The following BCAS4 variants were observed in gnomAD, a reference collection of about 807,000 sequenced individuals.
BCAS4 encodes breast carcinoma amplified sequence 4, also known as breast carcinoma-amplified sequence 4.
A neutral mutation model predicts 15.7 loss-of-function variants in BCAS4; 9 were observed. That is an observed-to-expected ratio of 0.57 (90% CI 0.34 to 1.00). The LOEUF (loss-of-function observed/expected upper bound fraction) is 1.00. Ranked by LOEUF, BCAS4 falls within the 50% of genes least tolerant of loss-of-function variation. BCAS4 has a pLI of 0.02. For missense variants in BCAS4, 225 were observed against 239.1 expected (o/e 0.94, Z 0.39); for synonymous variants, 101 against 99.5 (o/e 1.02, Z -0.09).
rs186141436 is a variant in BCAS4 at position 50,870,871 on chromosome 20, G to A, written c.400-5615G>A. ...CAGGCCCTGCGCCCCAGCACTCCCT[G>A]TGGCAGAGGCGGGCCTTGGGCTGGG... is the stretch of plus-strand genomic sequence containing the variant. On this transcript the variant is annotated intron_variant, in intron 4 of 4. Transcript: ENST00000371608. Among the ~76,000 whole-genome samples the A allele has an allele frequency of 5.2e-3, 794 of 152,368 alleles. 4 individuals carry two copies. The highest frequency in any genetic ancestry group is 0.01 in the Admixed American group (156 of 15,312).
intron 2 of BCAS4, among the ~76,000 whole-genome samples, chr20:50,823,997 T>C (rs1200705962): frequency 1.3e-5 from 2 of 152,122 alleles, no homozygotes; most frequent in African/African-American, 4.8e-5. Flanking sequence ...ATTTTTATTA[T>C]AATATTATAA....
chr20:50,799,953 G>A (rs999227106), intron 1 of BCAS4, among the ~76,000 whole-genome samples: 2 of 152,190 alleles, frequency 1.3e-5, no homozygotes, highest in African/African-American at 2.4e-5. Flanking sequence ...AGGCCGAGAT[G>A]GGAAGATCAC....
intron 3 of BCAS4, chr20:50,840,540 T>C: frequency 6.8e-7 from 1 of 1,472,932 alleles, no homozygotes; most frequent in Non-Finnish European, 9.5e-7. Context: ...CTTACAGAGT[T>C]AAACAGCTAA....
chr20:50,862,910 G>A (rs1253098498), intron 4 of BCAS4, among the ~76,000 whole-genome samples: 1 of 152,126 alleles, frequency 6.6e-6, no homozygotes, highest in Non-Finnish European at 1.5e-5. Flanking sequence ...CACAATCTCA[G>A]CTCACTGCAA....
chr20:50,843,010 G>A (rs1433207485), intron 4 of BCAS4, among the ~76,000 whole-genome samples: 1 of 152,168 alleles, frequency 6.6e-6, no homozygotes, highest in African/African-American at 2.4e-5. Context: ...CACCCAGACT[G>A]GAATGCAGGT....
At chr20:50,794,937 C>T, upstream of BCAS4, 1 of 1,144,898 alleles carries the variant, frequency 8.7e-7, no homozygotes. Flanking sequence ...CCTGGAGCTG[C>T]GAGCCGCGAC....
At chr20:50,816,791 ATTTTTTTTTTTTTT>A (rs35600563) in intron 1 of BCAS4, among the ~76,000 whole-genome samples, 16 of 80,924 alleles carry the variant, frequency 2.0e-4, no homozygotes, top group South Asian at 8.8e-4. Flanking sequence ...TGCCTGGCTA[ATTTTTTTTTTTTTT>A]TTTTTTTTTT....
At chr20:50,860,330 A>G (rs1340821429) in intron 4 of BCAS4, among the ~76,000 whole-genome samples, 2 of 152,036 alleles carry the variant, frequency 1.3e-5, no homozygotes, top group African/African-American at 4.8e-5. Context: ...ATTCCATACA[A>G]TTTACTTCTA....
In BCAS4 at chr20:50,821,505, C is replaced by T. The variant is rs1254219866; in HGVS notation, c.162+3223C>T. ...CTACATGACTACAGAGAGAGGTGTC[C>T]GGTGATCAGCCCTAGCTTGGGGCCT... On this transcript the variant is annotated intron_variant, in intron 2 of 4. Coordinates refer to ENST00000371608, the MANE Select transcript of BCAS4 (RefSeq NM_198799.4). 2.0e-5 allele frequency among the ~76,000 whole-genome samples: 3 copies of T among 152,136 alleles called. No homozygotes were observed. In the South Asian group the frequency reaches 6.2e-4, roughly 32 times the overall value.
intron 1 of BCAS4, among the ~76,000 whole-genome samples, chr20:50,795,682 G>A (rs1375743045): frequency 6.6e-6 from 1 of 152,250 alleles, no homozygotes; most frequent in African/African-American, 2.4e-5. Flanking sequence ...GGCATCTGTC[G>A]ACGCTGTTGT....
At chr20:50,840,872 C>T in intron 3 of BCAS4, 1 of 777,700 alleles carries the variant, frequency 1.3e-6, no homozygotes, top group Non-Finnish European at 2.2e-6. Context: ...TCTTGTCGCG[C>T]AGGCTGGACT....
chr20:50,872,425 G>C (rs1195158633), intron 4 of BCAS4, among the ~76,000 whole-genome samples: 2 of 151,758 alleles, frequency 1.3e-5, no homozygotes, highest in African/African-American at 4.8e-5. Flanking sequence ...AAAAAAATTA[G>C]CTGGACGTGG....
rs78804432 is a variant in BCAS4, at chr20:50,821,580, G to C, written c.162+3298G>C. On this transcript the variant is annotated intron_variant, in intron 2 of 4. Transcript: ENST00000371608. ...TGAAATCCAAGTTAGGGATGAGTAG[G>C]GTCCTCTAGGAGCAGGTGATGTCAC... Among the ~76,000 whole-genome samples, 958 of 152,282 alleles carry C rather than the reference G, an allele frequency of 6.3e-3. 5 individuals carry two copies. The highest frequency in any genetic ancestry group is 0.014 in the Middle Eastern group (4 of 294).
At chr20:50,859,058 C>T (rs781369093) in intron 4 of BCAS4, among the ~76,000 whole-genome samples, 27 of 152,094 alleles carry the variant, frequency 1.8e-4, no homozygotes, top group African/African-American at 6.0e-4. Flanking sequence ...CTCAGCCCCC[C>T]GCAAGTAGCT....
intron 1 of BCAS4, among the ~76,000 whole-genome samples, chr20:50,805,933 C>T (rs1028132443): frequency 2.0e-5 from 3 of 150,940 alleles, no homozygotes; most frequent in Admixed American, 1.3e-4. Flanking sequence ...GTTGAGATTG[C>T]GCCATTGCAC....
At chr20:50,861,507 G>A (rs1393533876) in intron 4 of BCAS4, among the ~76,000 whole-genome samples, 2 of 152,178 alleles carry the variant, frequency 1.3e-5, no homozygotes, top group East Asian at 1.9e-4. Context: ...CAGCACGGAC[G>A]GCCTGTCTTC....
intron 3 of BCAS4, among the ~76,000 whole-genome samples, chr20:50,841,145 G>A (rs1046646693): frequency 1.3e-5 from 2 of 152,150 alleles, no homozygotes; most frequent in African/African-American, 4.8e-5. Flanking sequence ...CTTGAAACTG[G>A]CAGCTCTGCA....
chr20:50,814,972 A>G (rs2123768491), intron 1 of BCAS4, among the ~76,000 whole-genome samples: 1 of 152,218 alleles, frequency 6.6e-6, no homozygotes, highest in South Asian at 2.1e-4. Context: ...AAAAAGAGAG[A>G]AAGCGAGCTA....
rs145847984 is a variant in BCAS4, at chr20:50,824,725, G to A, written c.163-5554G>A. On this transcript the variant is annotated intron_variant, in intron 2 of 4. Coordinates refer to ENST00000371608, the MANE Select transcript of BCAS4 (RefSeq NM_198799.4). ...GACTGTAGGGAGTGATGGGGACTGG[G>A]GTTAACAAAAGTGGCAGCTGCCACT... Among the ~76,000 whole-genome samples the A allele has an allele frequency of 6.3e-3, 954 of 152,222 alleles. 12 individuals carry two copies. The highest frequency in any genetic ancestry group is 0.022 in the African/African-American group (919 of 41,530).
Sources: gnomAD v4.1 joint callset for allele counts (sites outside exome capture counted in the v4.1 genomes callset) on GRCh38, gnomAD v4.1.1 for gene constraint, MANE v1.5 for transcripts, NCBI Gene and HGNC (gene_info 2026-07-23, HGNC 2026-07-21) for gene names.